Variants in NKAIN2 observed in about 807,000 individuals in gnomAD.
NKAIN2 encodes sodium/potassium transporting ATPase interacting 2.
Under a neutral mutation model 32.6 loss-of-function variants are expected in NKAIN2, and 14 were observed. The ratio of observed to expected loss-of-function variants is 0.43; its 90% confidence interval spans 0.28 to 0.67. The LOEUF (loss-of-function observed/expected upper bound fraction) is 0.67, where lower values mean the gene tolerates loss of function less well. Among genes scored for constraint, NKAIN2 ranks in the 30% least tolerant of loss-of-function variants. NKAIN2 has a pLI of 0.17. For missense variants in NKAIN2, 198 were observed against 258.3 expected, an observed-to-expected ratio of 0.77 and a Z score of 1.60; for synonymous variants, 80 against 87.2, an observed-to-expected ratio of 0.92 and a Z score of 0.46.
intron 1 of NKAIN2, among the ~76,000 whole-genome samples, chr6:124,032,175 A>G (rs115533411): frequency 0.028 from 4,122 of 148,466 alleles, 101 homozygotes; most frequent in African/African-American, 0.075. Context: ...AGAAAACCAA[A>G]CCACATGTTC....
intron 1 of NKAIN2, among the ~76,000 whole-genome samples, chr6:124,274,498 G>T (rs1794937312): frequency 2.0e-5 from 3 of 152,058 alleles, no homozygotes; most frequent in African/African-American, 7.2e-5. Context: ...AATACCATAA[G>T]GTTCCCCTGT....
Position 124,235,275 on chromosome 6 carries a change from A to G in NKAIN2, c.55-47730A>G, listed in dbSNP as rs570814849. Among the ~76,000 whole-genome samples, 13 of 152,328 alleles carry G rather than the reference A, an allele frequency of 8.5e-5. No individual in the cohort carries two copies. In the East Asian group the frequency reaches 2.5e-3, roughly 29 times the overall value. The stretch of plus-strand genomic sequence containing the variant: ...TAGAATTTCACCCCTTTTCTATGGA[A>G]AACATCTTACCTTCCAAAAGCTTTA... On this transcript the variant is annotated intron_variant, in intron 1 of 6. Transcript: ENST00000368417.
intron 3 of NKAIN2, among the ~76,000 whole-genome samples, chr6:124,500,209 G>A (rs562553922): frequency 6.6e-6 from 1 of 152,234 alleles, no homozygotes; most frequent in Non-Finnish European, 1.5e-5. Flanking sequence ...GCCAAGTTTT[G>A]GAAATATCAG....
At chr6:124,075,321 G>A (rs1444791444) in intron 1 of NKAIN2, among the ~76,000 whole-genome samples, 1 of 152,076 alleles carries the variant, frequency 6.6e-6, no homozygotes, top group Non-Finnish European at 1.5e-5. Flanking sequence ...AAAGACAACT[G>A]CTTCTTATTT....
chr6:124,050,474 C>T (rs749142086), intron 1 of NKAIN2, among the ~76,000 whole-genome samples: 1 of 151,962 alleles, frequency 6.6e-6, no homozygotes, highest in Non-Finnish European at 1.5e-5. Flanking sequence ...TTAATATATT[C>T]ACTACATTAC....
intron 2 of NKAIN2, among the ~76,000 whole-genome samples, chr6:124,298,966 A>C (rs1796179304): frequency 1.3e-5 from 2 of 152,226 alleles, no homozygotes; most frequent in Admixed American, 1.3e-4. Context: ...GTCCTTAGTA[A>C]AGAAATAATC....
rs187650912 is a variant in NKAIN2 at position 124,209,780 on chromosome 6, C to T, written c.55-73225C>T. 4.0e-5 allele frequency among the ~76,000 whole-genome samples: 6 copies of T among 151,746 alleles called. No individual in the cohort carries two copies. The East Asian group carries it at 9.7e-4, about 24-fold the overall frequency. On this transcript the variant is annotated intron_variant, in intron 1 of 6. Transcript: ENST00000368417. ...TATATTGAGAAATGTCTATTCAGAT[C>T]TTGTATCTATTTTAATCAGATTATT...
chr6:123,863,968 TCTTTC>T (rs1775888114), intron 1 of NKAIN2, among the ~76,000 whole-genome samples: 1 of 152,216 alleles, frequency 6.6e-6, no homozygotes, highest in African/African-American at 2.4e-5. Flanking sequence ...TTGGTATGCA[TCTTTC>T]CTTCTTTCAG....
At chr6:123,908,900 G>A (rs1258303548) in intron 1 of NKAIN2, among the ~76,000 whole-genome samples, 1 of 152,078 alleles carries the variant, frequency 6.6e-6, no homozygotes, top group Non-Finnish European at 1.5e-5. Flanking sequence ...ATGTCTCATA[G>A]ACATTTATTT....
chr6:124,111,133 A>G (rs984370260), intron 1 of NKAIN2, among the ~76,000 whole-genome samples: 1 of 152,130 alleles, frequency 6.6e-6, no homozygotes, highest in South Asian at 2.1e-4. Context: ...GTGATCTAAC[A>G]TATGAAATAC....
intron 4 of NKAIN2, among the ~76,000 whole-genome samples, chr6:124,733,034 A>T: frequency 6.6e-6 from 1 of 151,734 alleles, no homozygotes; most frequent in Admixed American, 6.6e-5. Context: ...CCTTAAGGGC[A>T]TATGTTAACT....
At chr6:124,701,299 G>T (rs1463741553) in intron 4 of NKAIN2, among the ~76,000 whole-genome samples, 1 of 151,960 alleles carries the variant, frequency 6.6e-6, no homozygotes, top group Non-Finnish European at 1.5e-5. Context: ...GTTAAATTGT[G>T]TGATCTTTCA....
intron 1 of NKAIN2, among the ~76,000 whole-genome samples, chr6:124,055,153 A>G (rs1782588994): frequency 6.6e-6 from 1 of 152,052 alleles, no homozygotes; most frequent in Non-Finnish European, 1.5e-5. Context: ...ATCATAGGGA[A>G]GTTAGATAAA....
intron 1 of NKAIN2, among the ~76,000 whole-genome samples, chr6:123,917,434 T>G (rs899624835): frequency 6.6e-6 from 1 of 152,248 alleles, no homozygotes; most frequent in South Asian, 2.1e-4. Flanking sequence ...AATGTGTACG[T>G]TTAGGCAAAA....
At chr6:124,238,976 A>G (rs576452451) in intron 1 of NKAIN2, among the ~76,000 whole-genome samples, 7 of 152,290 alleles carry the variant, frequency 4.6e-5, no homozygotes, top group South Asian at 2.1e-4. Flanking sequence ...AGCAAATTGT[A>G]TAAAGAGTCA....
intron 1 of NKAIN2, among the ~76,000 whole-genome samples, chr6:124,207,600 A>C (rs1469931393): frequency 6.6e-6 from 1 of 151,656 alleles, no homozygotes; most frequent in Non-Finnish European, 1.5e-5. Flanking sequence ...CCTGCCATGT[A>C]CTAAGCTTGG....
At position 124,156,711 on chromosome 6, in the gene NKAIN2, T is replaced by C. The variant is rs76285001; in HGVS notation, c.55-126294T>C. On this transcript the variant is annotated intron_variant, in intron 1 of 6. Transcript: ENST00000368417. Reference sequence around the variant, plus strand: ...GAAAGTGAAAAAATCTCGCTTTATATTTTTAAACATCACCCAACTGCCTTG... The same window carrying C: ...GAAAGTGAAAAAATCTCGCTTTATACTTTTAAACATCACCCAACTGCCTTG... 3.8e-3 allele frequency among the ~76,000 whole-genome samples: 578 copies of C among 152,224 alleles called. 1 individual carries two copies. Among genetic ancestry groups the C allele is most frequent in the African/African-American group, 0.013 (533 of 41,534 alleles).
chr6:124,022,572 T>C (rs951180766), intron 1 of NKAIN2, among the ~76,000 whole-genome samples: 2 of 152,216 alleles, frequency 1.3e-5, no homozygotes, highest in African/African-American at 4.8e-5. Context: ...GTTCCAATTC[T>C]AATGTGTCCA....
intron 1 of NKAIN2, among the ~76,000 whole-genome samples, chr6:123,891,297 T>C (rs1774004678): frequency 1.3e-5 from 2 of 152,196 alleles, no homozygotes. Context: ...ATGTACTTAC[T>C]GCTATTAAAG....
Sources: allele counts gnomAD v4.1 joint callset (sites outside exome capture counted in the v4.1 genomes callset), GRCh38; gene constraint gnomAD v4.1.1; transcripts MANE v1.5; gene names NCBI Gene and HGNC (gene_info 2026-07-23, HGNC 2026-07-21).